Variants in KCNH8 observed in about 807,000 individuals in gnomAD.
KCNH8 encodes the protein potassium voltage-gated channel subfamily H member 8, also known as voltage-gated delayed rectifier potassium channel KCNH8.
In KCNH8, 70 loss-of-function variants were observed where a neutral mutation model predicts 103.6. The observed-to-expected ratio is 0.68, with a 90% CI of 0.56 to 0.82. The LOEUF is 0.82. Among genes scored for constraint, KCNH8 ranks in the 40% least tolerant of loss-of-function variants. The pLI, the probability that KCNH8 is intolerant of heterozygous loss-of-function variation, is 0.00. For missense variants in KCNH8, 1,217 were observed against 1,329.9 expected (o/e 0.92, Z 1.32); for synonymous variants, 498 against 489.4 (o/e 1.02, Z -0.23).
At chr3:19,149,872 T>C (rs912844995) in intron 1 of KCNH8, among the ~76,000 whole-genome samples, 18 of 152,234 alleles carry the variant, frequency 1.2e-4, no homozygotes, top group South Asian at 6.2e-4. Context: ...GGAGCTGATA[T>C]GGGAGAGCAA....
At chr3:19,302,818 T>G (rs1166427587) in intron 3 of KCNH8, among the ~76,000 whole-genome samples, 1 of 152,208 alleles carries the variant, frequency 6.6e-6, no homozygotes, top group Non-Finnish European at 1.5e-5. Flanking sequence ...TAATGCATAT[T>G]ATGTCTCGTC....
intron 1 of KCNH8, among the ~76,000 whole-genome samples, chr3:19,190,997 T>A (rs1413592406): frequency 1.3e-5 from 2 of 151,918 alleles, no homozygotes; most frequent in African/African-American, 4.8e-5. Flanking sequence ...GTTCTTAAAT[T>A]TATAAGATTA....
intron 8 of KCNH8, among the ~76,000 whole-genome samples, chr3:19,439,099 G>A (rs1252178630): frequency 6.6e-6 from 1 of 152,094 alleles, no homozygotes; most frequent in East Asian, 1.9e-4. Flanking sequence ...AAAGAGGGTG[G>A]TTGATTCAGC....
intron 2 of KCNH8, 121 bp from the exon 3 acceptor site, chr3:19,281,077 G>A: frequency 1.1e-6 from 1 of 943,032 alleles, no homozygotes; most frequent in South Asian, 1.5e-5. Context: ...TTTTTAAGAT[G>A]GAGGGAGTTG....
intron 11 of KCNH8, among the ~76,000 whole-genome samples, chr3:19,460,210 T>C (rs997644420): frequency 2.0e-5 from 3 of 152,120 alleles, no homozygotes; most frequent in Non-Finnish European, 4.4e-5. Context: ...TCCTGAGGTC[T>C]AGCCTTTATT....
intron 1 of KCNH8, among the ~76,000 whole-genome samples, chr3:19,215,632 A>C (rs954429477): frequency 6.6e-6 from 1 of 152,198 alleles, no homozygotes; most frequent in Non-Finnish European, 1.5e-5. Flanking sequence ...GGGATTTCTT[A>C]GCCTACTCAA....
At chr3:19,330,042 C>T (rs112324784) in intron 3 of KCNH8, among the ~76,000 whole-genome samples, 26 of 151,714 alleles carry the variant, frequency 1.7e-4, no homozygotes, top group African/African-American at 5.8e-4. Context: ...ATTCTTTAGC[C>T]TATTATGCAA....
chr3:19,356,145 T>G (rs1261920742), intron 5 of KCNH8, among the ~76,000 whole-genome samples: 3 of 151,978 alleles, frequency 2.0e-5, no homozygotes, highest in African/African-American at 4.8e-5. Context: ...TATTTTAAAT[T>G]GAGAAATAAA....
At chr3:19,511,257 T>C (rs778755681) in intron 12 of KCNH8, among the ~76,000 whole-genome samples, 5 of 151,806 alleles carry the variant, frequency 3.3e-5, no homozygotes, top group Admixed American at 2.6e-4. Flanking sequence ...GGTTTTCTGA[T>C]TGTGATAGTT....
At chr3:19,289,908 C>T (rs934862116) in intron 3 of KCNH8, among the ~76,000 whole-genome samples, 1 of 152,028 alleles carries the variant, frequency 6.6e-6, no homozygotes, top group Non-Finnish European at 1.5e-5. Flanking sequence ...TGTTTGTATC[C>T]TCTTTTATTT....
rs2069241252 is a variant in KCNH8 at position 19,534,927 on chromosome 3, A to G, written c.*828A>G. ...TTCTCATGCTTCTGGATTATAAAAGAAAAGTGAAGTCATATTTTGTTAATG... is the reference window on the plus strand; with the variant it reads ...TTCTCATGCTTCTGGATTATAAAAGGAAAGTGAAGTCATATTTTGTTAATG... On this transcript the variant is annotated 3_prime_UTR_variant, in exon 16 of 16. Transcript: ENST00000328405. 6.6e-6 allele frequency: 1 copy of G among 152,192 alleles called. No individual in the cohort carries two copies. The highest frequency in any genetic ancestry group is 1.9e-4 in the East Asian group (1 of 5,194). 9.4% of individuals were successfully genotyped at this position (152,192 alleles called of 1,614,324 possible).
chr3:19,261,971 T>C (rs1358587984), intron 2 of KCNH8, among the ~76,000 whole-genome samples: 1 of 151,896 alleles, frequency 6.6e-6, no homozygotes, highest in Non-Finnish European at 1.5e-5. Context: ...GTTCTTTGTC[T>C]GTTTTTAATG....
At chr3:19,525,854 G>A (rs1221915613) in intron 15 of KCNH8, among the ~76,000 whole-genome samples, 1 of 151,922 alleles carries the variant, frequency 6.6e-6, no homozygotes, top group African/African-American at 2.4e-5. Flanking sequence ...TTAGTAATGG[G>A]ATTGAGGTCC....
At position 19,535,564 on chromosome 3, in the gene KCNH8, G is replaced by A. The variant is rs190567756; in HGVS notation, c.*1465G>A. 3 of 152,202 alleles carry A rather than the reference G, an allele frequency of 2.0e-5. No homozygotes were observed. Among genetic ancestry groups the A allele is most frequent in the East Asian group, 3.9e-4 (2 of 5,184 alleles). The allele number at this position is 152,202 out of a possible 1,614,324, so 9.4% of individuals were successfully genotyped here. A position where few individuals can be genotyped will look rare whatever the true frequency, so the allele number is the denominator to read the frequency against. On this transcript the variant is annotated 3_prime_UTR_variant, in exon 16 of 16. Coordinates refer to ENST00000328405, the MANE Select transcript of KCNH8 (RefSeq NM_144633.3). ...TGGACATTTTGGGAAGATATATTGG[G>A]TTCACATTCTGGAGTTCTCTTTATT...
intron 11 of KCNH8, among the ~76,000 whole-genome samples, chr3:19,504,097 C>G (rs2068646282): frequency 6.6e-6 from 1 of 152,052 alleles, no homozygotes; most frequent in Non-Finnish European, 1.5e-5. Context: ...GGGGAAAGGA[C>G]TCCTTATTCA....
At chr3:19,171,647 G>C (rs2063349934) in intron 1 of KCNH8, among the ~76,000 whole-genome samples, 1 of 152,116 alleles carries the variant, frequency 6.6e-6, no homozygotes, top group Non-Finnish European at 1.5e-5. Context: ...CCACTTAAAT[G>C]ATCTCATGTA....
intron 5 of KCNH8, 141 bp downstream of exon 5, chr3:19,348,106 T>C: frequency 2.1e-6 from 2 of 956,308 alleles, no homozygotes; most frequent in Non-Finnish European, 3.1e-6. Context: ...GAGAAGCACA[T>C]ACTGTATTTG....
At chr3:19,259,101 G>A (rs1472426494) in intron 2 of KCNH8, among the ~76,000 whole-genome samples, 1 of 150,690 alleles carries the variant, frequency 6.6e-6, no homozygotes, top group African/African-American at 2.4e-5. Flanking sequence ...ATAAGGTTGT[G>A]GATAACTCTG....
intron 5 of KCNH8, among the ~76,000 whole-genome samples, chr3:19,354,583 T>A (rs2065852437): frequency 6.6e-6 from 1 of 152,142 alleles, no homozygotes; most frequent in African/African-American, 2.4e-5. Context: ...ACCACACATG[T>A]ACAACCATCT....
Sources: allele counts gnomAD v4.1 joint callset (sites outside exome capture counted in the v4.1 genomes callset), GRCh38; gene constraint gnomAD v4.1.1; transcripts MANE v1.5; gene names NCBI Gene and HGNC (gene_info 2026-07-23, HGNC 2026-07-21).